ALOX15: variants seen among roughly 807,000 people sequenced by gnomAD.
The protein encoded by ALOX15 is arachidonate 15-lipoxygenase, also known as polyunsaturated fatty acid lipoxygenase ALOX15.
A neutral mutation model predicts 71.7 loss-of-function variants in ALOX15; 68 were observed. The observed-to-expected ratio is 0.95, with a 90% CI of 0.78 to 1.16. The LOEUF (loss-of-function observed/expected upper bound fraction) is 1.16. ALOX15 is among the 50% of genes most tolerant of loss of function. ALOX15 has a pLI of 0.00. For synonymous variants in ALOX15, 346 were observed against 333.3 expected (o/e 1.04, Z -0.42); for missense variants, 798 against 818.8 (o/e 0.97, Z 0.31).
chr17:4,634,039 G>A (rs768559413), intron 8 of ALOX15, among the ~76,000 whole-genome samples: 6 of 152,160 alleles, frequency 3.9e-5, no homozygotes, highest in Non-Finnish European at 8.8e-5. Context: ...TGTGGACAGA[G>A]GGTGGAAGGA....
chr17:4,639,705 C>T, intron 1 of ALOX15, 74 bp from the exon 2 acceptor site: 1 of 1,431,852 alleles, frequency 7.0e-7, no homozygotes, highest in Non-Finnish European at 9.5e-7. Flanking sequence ...CTGCTCCCTC[C>T]AGCGCCCACG....
intron 8 of ALOX15, among the ~76,000 whole-genome samples, chr17:4,633,870 G>A (rs780760745): frequency 3.3e-5 from 5 of 152,182 alleles, no homozygotes; most frequent in Non-Finnish European, 7.3e-5. Flanking sequence ...ACAAGATCAT[G>A]TTCTCTGCAG....
At chr17:4,635,731 G>T (rs764170216) in intron 8 of ALOX15, 28 bp downstream of exon 8, 2 of 1,611,492 alleles carry the variant, frequency 1.2e-6, no homozygotes, top group Non-Finnish European at 1.7e-6. Flanking sequence ...GATAGTGGCA[G>T]GCAAGAGAGA....
intron 2 of ALOX15, 75 bp from the exon 3 acceptor site, chr17:4,639,207 G>A (rs144883047): frequency 5.7e-6 from 9 of 1,565,716 alleles, no homozygotes; most frequent in Non-Finnish European, 7.9e-6. Flanking sequence ...GAGAGCCTCA[G>A]CACCCCGTCC....
At position 4,631,998 on chromosome 17, in the gene ALOX15, G is replaced by T; in HGVS notation, c.1700C>A (p.Thr567Asn). The T allele has an allele frequency of 1.2e-6, 2 of 1,614,026 alleles. No individual in the cohort carries two copies. The highest frequency in any genetic ancestry group is 2.2e-5 in the South Asian group (2 of 91,054). ...TGTCTCCAGCGTTGCATCCTTGGTG[G>T]TTGGCGGGGGCAGCCGCATCGTGCA... ...APCTMRLPPP[T>N]TKDATLETVM... The change falls in exon 13 of 14, where the codon ACC becomes AAC. Residue 567 changes from threonine to asparagine, a missense_variant. Around this residue, in one of 3 missense-constraint regions of ALOX15, gnomAD observed 490 missense variants for 509.4 expected, o/e 0.96. Transcript: ENST00000293761.
At chr17:4,636,001 A>G (rs762811251) in intron 7 of ALOX15, 33 bp from the exon 8 acceptor site, 3 of 1,605,354 alleles carry the variant, frequency 1.9e-6, no homozygotes, top group South Asian at 1.1e-5. Flanking sequence ...GAGAGAAGGC[A>G]TGAGTGCCAG....
intron 13 of ALOX15, 49 bp downstream of exon 13, chr17:4,631,840 G>T: frequency 6.2e-7 from 1 of 1,608,894 alleles, no homozygotes; most frequent in Non-Finnish European, 8.5e-7. Flanking sequence ...GATGCCACAC[G>T]TCCCCACAGC....
rs996801746 is a variant in ALOX15, at chr17:4,636,077, T to C, written c.952-109A>G. The C allele has an allele frequency of 3.3e-6, 4 of 1,195,318 alleles. No homozygotes were observed. In the Admixed American group the frequency reaches 6.5e-5, roughly 19 times the overall value. 74.0% of individuals were successfully genotyped at this position (1,195,318 alleles called of 1,614,324 possible). A position where few individuals can be genotyped will look rare whatever the true frequency, so the allele number is the denominator to read the frequency against. ...CCTTCGTCCTCCAAACCTGTTCTGC[T>C]TTCCCCATCTCACTCCTGCCGCTCC... On this transcript the variant is annotated intron_variant, in intron 7 of 13. Coordinates refer to ENST00000293761, the MANE Select transcript of ALOX15 (RefSeq NM_001140.5).
Position 4,639,415 on chromosome 17 carries a change from C to G in ALOX15, c.337+15G>C. The G allele has an allele frequency of 6.2e-7, 1 of 1,613,230 alleles. No homozygotes were observed. The highest frequency in any genetic ancestry group is 1.1e-5 in the South Asian group (1 of 91,062). On this transcript the variant is annotated intron_variant, in intron 2 of 13. Coordinates refer to ENST00000293761, the MANE Select transcript of ALOX15 (RefSeq NM_001140.5). ...CAGCCCAGAGGCCTCCTGACACCCT[C>G]AGCCCCGCGCTTACCGGTGCCTTCA...
chr17:4,632,411 AC>A, intron 11 of ALOX15, 130 bp from the exon 12 acceptor site: 1 of 768,868 alleles, frequency 1.3e-6, no homozygotes, highest in Non-Finnish European at 2.1e-6. Context: ...TACAGGAATT[AC>A]CATGACAGCA....
intron 7 of ALOX15, 64 bp downstream of exon 7, chr17:4,637,051 T>C: frequency 1.3e-6 from 2 of 1,545,088 alleles, no homozygotes; most frequent in Non-Finnish European, 1.8e-6. Flanking sequence ...TCAGTAAATT[T>C]TGATAAGGGG....
chr17:4,631,659 G>C lies in ALOX15; in HGVS notation c.1930C>G (p.Leu644Val). ...CGCAGGTACTCGTAGGGCATGTCCA[G>C]CTTTGCATTCCGGATCTCAATTTCC... ...DKEIEIRNAK[L>V]DMPYEYLRPS... Residue 644 changes from leucine (L) to valine (V), a missense_variant, in exon 14 of 14, where the codon CTG becomes GTG. Transcript: ENST00000293761. 1 of 1,614,186 alleles carries C rather than the reference G, an allele frequency of 6.2e-7. No individual in the cohort carries two copies. Among genetic ancestry groups the C allele is most frequent in the Non-Finnish European group, 8.5e-7 (1 of 1,180,046 alleles).
intron 5 of ALOX15, 71 bp downstream of exon 5, chr17:4,638,510 A>G: frequency 4.1e-6 from 4 of 980,538 alleles, no homozygotes; most frequent in African/African-American, 1.7e-5. Context: ...GCTTCTTTCA[A>G]TTCCCCTGGG....
intron 2 of ALOX15, 60 bp downstream of exon 2, chr17:4,639,370 C>G: frequency 6.3e-7 from 1 of 1,593,936 alleles, no homozygotes; most frequent in Non-Finnish European, 8.6e-7. Context: ...TCCACACGCG[C>G]ATCCCCCCAG....
In ALOX15 at chr17:4,633,263, G is replaced by A. The variant is rs1249089898; in HGVS notation, c.1301C>T (p.Ala434Val). 4 of 1,614,030 alleles carry A rather than the reference G, an allele frequency of 2.5e-6. No homozygotes were observed. Among genetic ancestry groups the A allele is most frequent in the African/African-American group, 1.3e-5 (1 of 74,920 alleles). ...ACAGAAGGAGCTGTAGGTTAGGAAGGCTCCAGCTTGCTTGAGCAGCTGCAC... is the reference window on the plus strand; with the variant it reads ...ACAGAAGGAGCTGTAGGTTAGGAAGACTCCAGCTTGCTTGAGCAGCTGCAC... ...GHVQLLKQAGAFLTYSSFCPP... is the reference protein window; with the variant it reads ...GHVQLLKQAGVFLTYSSFCPP... Residue 434 changes from alanine (A) to valine (V), a missense_variant, in exon 10 of 14, where the codon GCC becomes GTC. Around this residue, in one of 3 missense-constraint regions of ALOX15, gnomAD observed 490 missense variants for 509.4 expected, o/e 0.96. Transcript: ENST00000293761.
In ALOX15 at chr17:4,639,641, A is replaced by T; in HGVS notation, c.136-10T>A. Reference sequence around the variant, plus strand: ...CCTTGAGTTCTGTCTCCTGCGGGCGACAGAAGAGGCTCAGCCCCGGTGGGG... The same window carrying T: ...CCTTGAGTTCTGTCTCCTGCGGGCGTCAGAAGAGGCTCAGCCCCGGTGGGG... On this transcript the variant is annotated splice_polypyrimidine_tract_variant and intron_variant, in intron 1 of 13. Transcript: ENST00000293761. 2 of 1,604,910 alleles carry T rather than the reference A, an allele frequency of 1.2e-6. No homozygotes were observed. The highest frequency in any genetic ancestry group is 1.7e-6 in the Non-Finnish European group (2 of 1,175,776).
Position 4,641,623 on chromosome 17 carries a change from G to C in ALOX15, c.29C>G (p.Thr10Ser). 6.2e-7 allele frequency: 1 copy of C among 1,613,910 alleles called. No homozygotes were observed. The highest frequency in any genetic ancestry group is 8.5e-7 in the Non-Finnish European group (1 of 1,180,036). The change falls in exon 1 of 14, where the codon ACT becomes AGT. Residue 10 changes from threonine to serine, a missense_variant. By Grantham distance (58) the Thr-to-Ser change is moderately conservative. Coordinates refer to ENST00000293761, the MANE Select transcript of ALOX15 (RefSeq NM_001140.5). The stretch of plus-strand genomic sequence containing the variant: ...GGAACCGGCATAGAGCGAGGCCCCA[G>C]TGGACACGCGGATGCGGTAGAGACC... The part of the protein sequence containing the change: MGLYRIRVS[T>S]GASLYAGSNN...
chr17:4,636,511 T>C (rs1338290129), intron 7 of ALOX15, among the ~76,000 whole-genome samples: 1 of 152,058 alleles, frequency 6.6e-6, no homozygotes, highest in African/African-American at 2.4e-5. Context: ...CATCCACCTG[T>C]CCTCTCCATC....
At chr17:4,632,692 T>C (rs1191555805) in intron 11 of ALOX15, among the ~76,000 whole-genome samples, 169 bp downstream of exon 11, 1 of 152,152 alleles carries the variant, frequency 6.6e-6, no homozygotes, top group East Asian at 1.9e-4. Flanking sequence ...GTTCTCAGTG[T>C]GTAGGACGGG....
Sources: allele counts gnomAD v4.1 joint callset (sites outside exome capture counted in the v4.1 genomes callset), GRCh38; gene constraint gnomAD v4.1.1; regional missense constraint gnomAD v4.1.1; transcripts MANE v1.5; gene names NCBI Gene and HGNC (gene_info 2026-07-23, HGNC 2026-07-21).